ITIH5: variants seen among roughly 807,000 people sequenced by gnomAD.
ITIH5 encodes the protein inter-alpha-trypsin inhibitor heavy chain 5, also known as inter-alpha-trypsin inhibitor heavy chain H5.
In ITIH5, 65 loss-of-function variants were observed where a neutral mutation model predicts 77.5. The ratio of observed to expected loss-of-function variants is 0.84; its 90% confidence interval spans 0.69 to 1.03. The LOEUF is 1.03. ITIH5 is among the 50% of genes least tolerant of loss of function. ITIH5 has a pLI of 0.00. For synonymous variants in ITIH5, 525 were observed against 494.3 expected, an observed-to-expected ratio of 1.06 and a Z score of -0.82; for missense variants, 1,208 against 1,213.1, an observed-to-expected ratio of 1.00 and a Z score of 0.06.
intron 2 of ITIH5, among the ~76,000 whole-genome samples, chr10:7,652,208 A>G (rs1564281635): frequency 6.6e-6 from 1 of 152,264 alleles, no homozygotes; most frequent in Middle Eastern, 3.4e-3. Flanking sequence ...TTCAGAATAA[A>G]ATCAAACAAA....
At position 7,644,738 on chromosome 10, in the gene ITIH5, TCA is replaced by T. The variant is rs1428247563; in HGVS notation, c.136-2650_136-2649del. Reference sequence around the variant, plus strand: ...ATATCATATATATCACATATCTATATCACATATATATCACATATATCACATAT... The same window carrying T: ...ATATCATATATATCACATATCTATATCATATATATCACATATATCACATAT... On this transcript the variant is annotated intron_variant, in intron 2 of 13. Transcript: ENST00000397146. 5.8e-4 allele frequency among the ~76,000 whole-genome samples: 67 copies of T among 115,112 alleles called. 2 individuals carry two copies. Among genetic ancestry groups the T allele is most frequent in the African/African-American group, 3.1e-3 (59 of 19,294 alleles). 75.5% of individuals were successfully genotyped at this position (115,112 alleles called of 152,430 possible). A position where few individuals can be genotyped will look rare whatever the true frequency, so the allele number is the denominator to read the frequency against.
At chr10:7,591,393 T>C (rs75416599) in intron 7 of ITIH5, among the ~76,000 whole-genome samples, 43,138 of 151,990 alleles carry the variant, frequency 0.28, 6,468 homozygotes, top group East Asian at 0.49. Flanking sequence ...CCCGCCTTCC[T>C]GACACGTTGA....
intron 10 of ITIH5, among the ~76,000 whole-genome samples, chr10:7,575,048 C>T (rs1353055665): frequency 2.0e-5 from 3 of 152,170 alleles, no homozygotes; most frequent in South Asian, 2.1e-4. Context: ...AAATTGTGTA[C>T]GTTTTGCCAA....
At position 7,585,800 on chromosome 10, in the gene ITIH5, CA is replaced by C. The variant is rs1832660718; in HGVS notation, c.1108+100del. 14 of 1,079,914 alleles carry C rather than the reference CA, an allele frequency of 1.3e-5. No homozygotes were observed. The East Asian group carries it at 3.6e-4, about 28-fold the overall frequency. 66.9% of individuals were successfully genotyped at this position (1,079,914 alleles called of 1,614,324 possible). A position where few individuals can be genotyped will look rare whatever the true frequency, so the allele number is the denominator to read the frequency against. On this transcript the variant is annotated intron_variant, in intron 8 of 13. Coordinates refer to ENST00000397146, the MANE Select transcript of ITIH5 (RefSeq NM_030569.7). ...CAGTCTCCCTTCCTGCCATCAACCCCAGCTTTCAAATCCTTATCTCTTGGCA... is the reference window on the plus strand; with the variant it reads ...CAGTCTCCCTTCCTGCCATCAACCCCGCTTTCAAATCCTTATCTCTTGGCA...
chr10:7,649,025 G>T (rs1452254586), intron 2 of ITIH5, among the ~76,000 whole-genome samples: 1 of 151,992 alleles, frequency 6.6e-6, no homozygotes, highest in Non-Finnish European at 1.5e-5. Flanking sequence ...AGTTTCCTTG[G>T]TGCAGAATCT....
chr10:7,612,527 A>G (rs1833268510), intron 7 of ITIH5, among the ~76,000 whole-genome samples: 1 of 152,210 alleles, frequency 6.6e-6, no homozygotes, highest in Non-Finnish European at 1.5e-5. Context: ...GGGTGAATAA[A>G]AACATCAGAA....
At chr10:7,595,955 C>A (rs376748380) in intron 7 of ITIH5, among the ~76,000 whole-genome samples, 7 of 152,264 alleles carry the variant, frequency 4.6e-5, no homozygotes, top group African/African-American at 1.4e-4. Context: ...TTGCAGTGAG[C>A]CGAGATCACG....
chr10:7,573,673 CA>C (rs35214432), intron 10 of ITIH5, among the ~76,000 whole-genome samples: 297 of 109,718 alleles, frequency 2.7e-3, no homozygotes, highest in South Asian at 0.016. Context: ...GAGACTGTCT[CA>C]AAAAAAAAAA....
chr10:7,618,254 C>T (rs1833407708), intron 5 of ITIH5: 1 of 151,902 alleles, frequency 6.6e-6, no homozygotes, highest in East Asian at 1.9e-4. Context: ...CAGGCGTGAG[C>T]CACCATGCCC....
chr10:7,636,776 G>A (rs1588418164), intron 5 of ITIH5, among the ~76,000 whole-genome samples: 1 of 152,066 alleles, frequency 6.6e-6, no homozygotes, highest in South Asian at 2.1e-4. Flanking sequence ...AAAATGGGCC[G>A]GGTGCGCTGG....
chr10:7,657,710 A>G lies in ITIH5; in HGVS notation c.91-2035T>C, dbSNP rs151153356. Reference sequence around the variant, plus strand: ...CCAAATATATTCCTAGCTCTCTGCCAGAGGGATTAGTCCTTGTGAGTAGAC... The same window carrying G: ...CCAAATATATTCCTAGCTCTCTGCCGGAGGGATTAGTCCTTGTGAGTAGAC... On this transcript the variant is annotated intron_variant, in intron 1 of 13. Coordinates refer to ENST00000397146, the MANE Select transcript of ITIH5 (RefSeq NM_030569.7). Among the ~76,000 whole-genome samples the G allele has an allele frequency of 1.4e-3, 209 of 152,334 alleles. 1 individual carries two copies. Among genetic ancestry groups the G allele is most frequent in the African/African-American group, 4.9e-3 (202 of 41,560 alleles).
chr10:7,661,104 T>G (rs1264759583), intron 1 of ITIH5, among the ~76,000 whole-genome samples: 1 of 152,194 alleles, frequency 6.6e-6, no homozygotes, highest in Non-Finnish European at 1.5e-5. Context: ...TGTGTTCTCC[T>G]TACGAGATTC....
At chr10:7,596,901 G>C (rs1318629394) in intron 7 of ITIH5, among the ~76,000 whole-genome samples, 1 of 151,680 alleles carries the variant, frequency 6.6e-6, no homozygotes, top group Non-Finnish European at 1.5e-5. Context: ...TACAAAATTA[G>C]CCAGGCATGA....
At chr10:7,654,716 A>T (rs1239143588) in intron 2 of ITIH5, among the ~76,000 whole-genome samples, 1 of 152,220 alleles carries the variant, frequency 6.6e-6, no homozygotes, top group Non-Finnish European at 1.5e-5. Context: ...TCTCTGACCC[A>T]GGAGTCTCCT....
intron 1 of ITIH5, 48 bp downstream of exon 1, chr10:7,666,755 G>A (rs1169116449): frequency 2.0e-6 from 3 of 1,509,704 alleles, no homozygotes; most frequent in East Asian, 2.3e-5. Flanking sequence ...CCGGCGGAGG[G>A]AAGGGGGCGG....
intron 7 of ITIH5, among the ~76,000 whole-genome samples, chr10:7,603,852 G>T (rs1833067158): frequency 6.6e-6 from 1 of 152,162 alleles, no homozygotes; most frequent in African/African-American, 2.4e-5. Context: ...CAAAGTGCTG[G>T]GATTACAGGC....
At chr10:7,563,538 G>A (rs1832080371) in intron 13 of ITIH5, among the ~76,000 whole-genome samples, 154 bp from the exon 14 acceptor site, 1 of 152,224 alleles carries the variant, frequency 6.6e-6, no homozygotes, top group Admixed American at 6.5e-5. Context: ...GTGCTCTGGG[G>A]GGCAGGGTGG....
chr10:7,637,140 G>A, intron 5 of ITIH5, 88 bp downstream of exon 5: 1 of 1,468,224 alleles, frequency 6.8e-7, no homozygotes, highest in Non-Finnish European at 9.2e-7. Context: ...GAAGGGAAGG[G>A]TGCCATCTCT....
intron 8 of ITIH5, among the ~76,000 whole-genome samples, chr10:7,584,054 T>G (rs531591838): frequency 6.6e-6 from 1 of 152,348 alleles, no homozygotes; most frequent in South Asian, 2.1e-4. Flanking sequence ...CATTGTTATC[T>G]TCATTCTACA....
Sources: gnomAD v4.1 joint callset for allele counts (sites outside exome capture counted in the v4.1 genomes callset) on GRCh38, gnomAD v4.1.1 for gene constraint, MANE v1.5 for transcripts, NCBI Gene and HGNC (gene_info 2026-07-23, HGNC 2026-07-21) for gene names.